Variants in ROR1 observed in about 807,000 individuals in gnomAD.
The protein encoded by ROR1 is inactive tyrosine-protein kinase transmembrane receptor ROR1.
A neutral mutation model predicts 78.8 loss-of-function variants in ROR1; 19 were observed. That is an observed-to-expected ratio of 0.24 (90% confidence interval 0.17 to 0.35). ROR1 has a LOEUF of 0.35. Ranked by LOEUF, ROR1 falls within the 10% of genes least tolerant of loss-of-function variation. ROR1 has a pLI of 1.00. For missense variants in ROR1, 917 were observed against 1,177.8 expected (o/e 0.78, Z 3.24); for synonymous variants, 386 against 433.6 (o/e 0.89, Z 1.36).
intron 2 of ROR1, among the ~76,000 whole-genome samples, chr1:64,017,839 T>C (rs1289907287): frequency 6.6e-6 from 1 of 152,200 alleles, no homozygotes; most frequent in Non-Finnish European, 1.5e-5. Flanking sequence ...GTTTTTACCA[T>C]TTAGAATGAG....
intron 4 of ROR1, among the ~76,000 whole-genome samples, chr1:64,116,052 A>G (rs1207486199): frequency 1.3e-5 from 2 of 152,208 alleles, no homozygotes; most frequent in African/African-American, 4.8e-5. Context: ...TTTATGCCAG[A>G]TACAGAGTTT....
At chr1:64,109,218 T>C (rs1467129992) in intron 4 of ROR1, among the ~76,000 whole-genome samples, 1 of 152,194 alleles carries the variant, frequency 6.6e-6, no homozygotes, top group Non-Finnish European at 1.5e-5. Context: ...AGCCAAATCT[T>C]CTAGACCTTA....
chr1:63,887,914 A>C (rs1231175639), intron 1 of ROR1, among the ~76,000 whole-genome samples: 1 of 152,182 alleles, frequency 6.6e-6, no homozygotes, highest in Non-Finnish European at 1.5e-5. Context: ...TTTAATCTTC[A>C]GAATGACACC....
chr1:63,977,127 A>G (rs1237424672), intron 1 of ROR1, among the ~76,000 whole-genome samples: 2 of 152,204 alleles, frequency 1.3e-5, no homozygotes, highest in Non-Finnish European at 2.9e-5. Flanking sequence ...CACTATCACG[A>G]GAACAGCATG....
chr1:64,136,036 C>T (rs1049184444), intron 4 of ROR1, among the ~76,000 whole-genome samples: 2 of 152,172 alleles, frequency 1.3e-5, no homozygotes, highest in African/African-American at 4.8e-5. Flanking sequence ...GTGCCTCTTA[C>T]GATGTGGGAG....
At chr1:64,173,143 T>G (rs1002940856) in intron 8 of ROR1, among the ~76,000 whole-genome samples, 3 of 152,194 alleles carry the variant, frequency 2.0e-5, no homozygotes, top group Non-Finnish European at 4.4e-5. Flanking sequence ...AGGAGCATTT[T>G]TTTTCTGGGC....
rs58622476 is a variant in ROR1 at position 64,016,733 on chromosome 1, T to TTATATATATATATATATATATATA, written c.163+7373_163+7374insTATATATATATATATATATATATA. Among the ~76,000 whole-genome samples, 1,112 of 140,370 alleles carry TTATATATATATATATATATATATA rather than the reference T, an allele frequency of 7.9e-3. 8 individuals carry two copies. The highest frequency in any genetic ancestry group is 0.018 in the South Asian group (73 of 4,146). 92.1% of individuals were successfully genotyped at this position (140,370 alleles called of 152,430 possible). ...ATGTACCCTAGAACTTAAAATATAA[T>TTATATATATATATATATATATATA]TATATATATATATATAAAGATTTTA... On this transcript the variant is annotated intron_variant, in intron 2 of 8. Transcript: ENST00000371079.
chr1:63,920,136 C>T (rs1645642836), intron 1 of ROR1, among the ~76,000 whole-genome samples: 1 of 152,180 alleles, frequency 6.6e-6, no homozygotes, highest in Admixed American at 6.5e-5. Context: ...GTGTGAGAAA[C>T]ATTGTTGGGC....
At chr1:64,068,603 A>G (rs77676319) in intron 4 of ROR1, among the ~76,000 whole-genome samples, 6,576 of 152,302 alleles carry the variant, frequency 0.043, 451 homozygotes, top group African/African-American at 0.15. Flanking sequence ...TCTGTCTCAG[A>G]AAACTGAGCA....
chr1:64,159,268 T>C, intron 8 of ROR1, 76 bp downstream of exon 8: 1 of 1,152,044 alleles, frequency 8.7e-7, no homozygotes, highest in Non-Finnish European at 1.3e-6. Flanking sequence ...CCTCCCAAGC[T>C]TGGAAATCGA....
At chr1:63,793,822 C>G (rs1644741566) in intron 1 of ROR1, among the ~76,000 whole-genome samples, 1 of 152,158 alleles carries the variant, frequency 6.6e-6, no homozygotes, top group Non-Finnish European at 1.5e-5. Flanking sequence ...CTTTGTTTTT[C>G]CCAGTGCAGC....
At chr1:64,044,748 A>G (rs1002686675) in intron 2 of ROR1, among the ~76,000 whole-genome samples, 4 of 152,204 alleles carry the variant, frequency 2.6e-5, no homozygotes, top group Non-Finnish European at 4.4e-5. Context: ...AAAATGAGGA[A>G]AATGAACCTG....
intron 1 of ROR1, among the ~76,000 whole-genome samples, chr1:63,895,772 GTTGAAAAATTTTACAAT>G (rs920687856): frequency 5.3e-5 from 8 of 152,302 alleles, no homozygotes; most frequent in Non-Finnish European, 1.0e-4. Context: ...TTTGATAACT[GTTGAAAAATTTTACAAT>G]TTTTTCTTTT....
chr1:64,025,417 A>C (rs1326323867), intron 2 of ROR1, among the ~76,000 whole-genome samples: 1 of 152,190 alleles, frequency 6.6e-6, no homozygotes. Flanking sequence ...AAAACTAAAA[A>C]TAGAACTACC....
At chr1:64,004,940 G>A (rs752770509) in intron 1 of ROR1, among the ~76,000 whole-genome samples, 5 of 152,202 alleles carry the variant, frequency 3.3e-5, no homozygotes, top group East Asian at 3.9e-4. Context: ...AAAAGAGGTC[G>A]AGAAAGATAA....
chr1:63,977,683 G>A (rs1646172862), intron 1 of ROR1, among the ~76,000 whole-genome samples: 1 of 152,142 alleles, frequency 6.6e-6, no homozygotes, highest in Admixed American at 6.5e-5. Flanking sequence ...ATGTGATTGT[G>A]CCTTGCTTGT....
chr1:63,916,172 G>A (rs1405711607), intron 1 of ROR1, among the ~76,000 whole-genome samples: 1 of 152,226 alleles, frequency 6.6e-6, no homozygotes, highest in Non-Finnish European at 1.5e-5. Flanking sequence ...GGAATAGGCA[G>A]CCCTTGCAGA....
At chr1:64,060,803 T>A (rs527719211) in intron 4 of ROR1, among the ~76,000 whole-genome samples, 1 of 152,226 alleles carries the variant, frequency 6.6e-6, no homozygotes, top group Admixed American at 6.5e-5. Flanking sequence ...ATAAGAAGGA[T>A]TTCTAATCTA....
chr1:64,169,853 A>G (rs1650189479), intron 8 of ROR1, among the ~76,000 whole-genome samples: 1 of 152,260 alleles, frequency 6.6e-6, no homozygotes, highest in South Asian at 2.1e-4. Flanking sequence ...TACAGGCCCC[A>G]TGCAAGTCCA....
Sources: allele counts gnomAD v4.1 joint callset (sites outside exome capture counted in the v4.1 genomes callset), GRCh38; gene constraint gnomAD v4.1.1; transcripts MANE v1.5; gene names NCBI Gene and HGNC (gene_info 2026-07-23, HGNC 2026-07-21).